SAMTOR: variants seen among roughly 807,000 people sequenced by gnomAD.
SAMTOR encodes S-adenosylmethionine sensor upstream of mTORC1.
At chr7:112,907,545 C>A in the SAMTOR span, among the ~76,000 whole-genome samples, 1 of 150,348 alleles carries the variant, frequency 6.7e-6, no homozygotes, top group Non-Finnish European at 1.5e-5. Context: ...AAGATATAGT[C>A]AAAGACAAAG....
the SAMTOR span, among the ~76,000 whole-genome samples, chr7:112,937,751 C>T: frequency 6.8e-6 from 1 of 146,164 alleles, no homozygotes; most frequent in African/African-American, 2.6e-5. Context: ...ACTGCCAGGA[C>T]TTTAACTCCC....
chr7:112,848,327 ATACTT>A, the SAMTOR span, among the ~76,000 whole-genome samples: 12 of 152,218 alleles, frequency 7.9e-5, no homozygotes, highest in African/African-American at 2.9e-4. Flanking sequence ...ATCATTAAAA[ATACTT>A]TACATGTATA....
At chr7:112,826,757 A>G in the SAMTOR span, among the ~76,000 whole-genome samples, 1 of 152,138 alleles carries the variant, frequency 6.6e-6, no homozygotes, top group Admixed American at 6.5e-5. Context: ...TTTTCCCCTA[A>G]GTACTACTTT....
chr7:112,923,176 A>T, the SAMTOR span, among the ~76,000 whole-genome samples: 1 of 152,084 alleles, frequency 6.6e-6, no homozygotes, highest in East Asian at 1.9e-4. Context: ...CTATGACCTT[A>T]CCCCTAACCC....
the SAMTOR span, among the ~76,000 whole-genome samples, chr7:112,926,605 T>G: frequency 1.3e-5 from 2 of 152,214 alleles, no homozygotes; most frequent in Admixed American, 6.5e-5. Flanking sequence ...AAAATTGATG[T>G]GATTCATAAA....
the SAMTOR span, among the ~76,000 whole-genome samples, chr7:112,902,834 T>C: frequency 6.6e-6 from 1 of 152,176 alleles, no homozygotes; most frequent in Non-Finnish European, 1.5e-5. Context: ...TAAAGTCTAC[T>C]TAAAAGAGAA....
the SAMTOR span, among the ~76,000 whole-genome samples, chr7:112,859,064 T>C: frequency 2.0e-5 from 3 of 152,262 alleles, no homozygotes; most frequent in South Asian, 6.2e-4. Flanking sequence ...AAGGCCTTAA[T>C]AGAAAAAGAC....
At chr7:112,834,891 T>C in the SAMTOR span, among the ~76,000 whole-genome samples, 1 of 152,104 alleles carries the variant, frequency 6.6e-6, no homozygotes, top group Non-Finnish European at 1.5e-5. Context: ...ATAAGACACT[T>C]TGAGATACCA....
At chr7:112,885,165 G>A in the SAMTOR span, among the ~76,000 whole-genome samples, 1 of 52,622 alleles carries the variant, frequency 1.9e-5, no homozygotes, top group Non-Finnish European at 3.7e-5. Context: ...GCTGCACAGG[G>A]CAGGGGGGGC....
chr7:112,853,368 A>G, the SAMTOR span, among the ~76,000 whole-genome samples: 1 of 152,044 alleles, frequency 6.6e-6, no homozygotes, highest in Non-Finnish European at 1.5e-5. Flanking sequence ...TTTTAACTCA[A>G]TATTGTCTTT....
At chr7:112,859,894 T>C in the SAMTOR span, among the ~76,000 whole-genome samples, 1 of 152,020 alleles carries the variant, frequency 6.6e-6, no homozygotes, top group Non-Finnish European at 1.5e-5. Context: ...AAAAAGTAAA[T>C]ATAGTATAGC....
chr7:112,852,062 A>T, the SAMTOR span, among the ~76,000 whole-genome samples: 1 of 152,140 alleles, frequency 6.6e-6, no homozygotes, highest in Non-Finnish European at 1.5e-5. Flanking sequence ...GAAAATGGTG[A>T]ACTAAAAATG....
At chr7:112,871,109 G>T in the SAMTOR span, among the ~76,000 whole-genome samples, 1 of 152,196 alleles carries the variant, frequency 6.6e-6, no homozygotes, top group South Asian at 2.1e-4. Context: ...TCACAGCTTA[G>T]ATCATTGAGG....
At chr7:112,938,371 T>C in the SAMTOR span, among the ~76,000 whole-genome samples, 64 of 152,362 alleles carry the variant, frequency 4.2e-4, no homozygotes, top group Admixed American at 9.1e-4. Context: ...CTTGATTTGC[T>C]AAGGAAAGAA....
chr7:112,912,148 T>C, the SAMTOR span, among the ~76,000 whole-genome samples: 8 of 152,130 alleles, frequency 5.3e-5, no homozygotes, highest in East Asian at 1.5e-3. Context: ...ATGACGGTGT[T>C]GTGGTTATGT....
chr7:112,902,421 A>C, the SAMTOR span, among the ~76,000 whole-genome samples: 10 of 101,528 alleles, frequency 9.8e-5, no homozygotes, highest in East Asian at 2.1e-3. Context: ...CGTCTCAAAA[A>C]AAAAAAACAA....
At chr7:112,918,090 C>A in the SAMTOR span, among the ~76,000 whole-genome samples, 1 of 152,140 alleles carries the variant, frequency 6.6e-6, no homozygotes, top group Admixed American at 6.5e-5. Context: ...TCAGGAAATA[C>A]AGAGAACGCC....
At chr7:112,831,976 T>TAC in the SAMTOR span, among the ~76,000 whole-genome samples, 1 of 150,994 alleles carries the variant, frequency 6.6e-6, no homozygotes, top group Non-Finnish European at 1.5e-5. Context: ...ACCCAAACAC[T>TAC]ACAGCTATGT....
the SAMTOR span, among the ~76,000 whole-genome samples, chr7:112,872,972 C>T: frequency 1.3e-5 from 2 of 151,724 alleles, no homozygotes; most frequent in South Asian, 2.1e-4. Context: ...CACACCCACA[C>T]ACACACACAA....
Sources: gnomAD v4.1 joint callset for allele counts (sites outside exome capture counted in the v4.1 genomes callset) on GRCh38, gnomAD v4.1.1 for gene constraint, MANE v1.5 for transcripts, NCBI Gene and HGNC (gene_info 2026-07-23, HGNC 2026-07-21) for gene names.